Variants in COL4A6 observed in about 807,000 individuals in gnomAD.
COL4A6 encodes the protein collagen type IV alpha 6 chain, also known as collagen alpha-6(IV) chain.
A neutral mutation model predicts 126.7 loss-of-function variants in COL4A6; 59 were observed. The ratio of observed to expected loss-of-function variants is 0.47; its 90% CI spans 0.38 to 0.58. The LOEUF is 0.58. Among genes scored for constraint, COL4A6 ranks in the 20% least tolerant of loss-of-function variants. The pLI is 0.00. For synonymous variants in COL4A6, 547 were observed against 496.6 expected, an observed-to-expected ratio of 1.10 and a Z score of -1.35; for missense variants, 1,285 against 1,337.3, an observed-to-expected ratio of 0.96 and a Z score of 0.61.
chrX:108,220,748 C>T (rs2035995149), intron 4 of COL4A6, among the ~76,000 whole-genome samples: 1 of 112,513 alleles, frequency 8.9e-6, no homozygotes, highest in South Asian at 3.7e-4. Context: ...TTATGGTGTG[C>T]TTGCTATGGG....
At chrX:108,171,684 T>C (rs1188635500) in intron 32 of COL4A6, among the ~76,000 whole-genome samples, 1 of 112,057 alleles carries the variant, frequency 8.9e-6, no homozygotes, top group African/African-American at 3.3e-5. Flanking sequence ...CATATCTCCA[T>C]TGGGAAACAC....
intron 2 of COL4A6, among the ~76,000 whole-genome samples, chrX:108,374,254 A>T (rs751817290): frequency 6.2e-5 from 7 of 112,415 alleles, no homozygotes; most frequent in Non-Finnish European, 1.1e-4. Context: ...CAAAGGAACC[A>T]GGAAAACATG....
rs191467154 is a variant in COL4A6, at chrX:108,243,691, G to A, written c.145-22317C>T. ...TAAGGTGATTCTAATGTGCAGCTAA[G>A]GTTTGGGAACCTCTGCTCTAAATAG... On this transcript the variant is annotated intron_variant, in intron 3 of 44. Transcript: ENST00000334504. Among the ~76,000 whole-genome samples, 18 of 112,191 alleles carry A rather than the reference G, an allele frequency of 1.6e-4. No individual in the cohort carries two copies. In the East Asian group the frequency reaches 3.9e-3, roughly 24 times the overall value.
chrX:108,355,438 C>T (rs187742897), intron 2 of COL4A6, among the ~76,000 whole-genome samples: 172 of 112,730 alleles, frequency 1.5e-3, no homozygotes, highest in African/African-American at 5.3e-3. Flanking sequence ...TTTGTTTATT[C>T]ATTCAATGCA....
intron 44 of COL4A6, among the ~76,000 whole-genome samples, chrX:108,158,543 CTGGTCAGGG>C (rs1279063162): frequency 8.9e-6 from 1 of 112,294 alleles, no homozygotes; most frequent in East Asian, 2.8e-4. Flanking sequence ...TTCTTATTTC[CTGGTCAGGG>C]TGGTGGACAG....
chrX:108,392,392 T>A (rs2040857379), intron 2 of COL4A6, among the ~76,000 whole-genome samples: 1 of 105,686 alleles, frequency 9.5e-6, no homozygotes, highest in African/African-American at 3.5e-5. Context: ...CTAGAACAGA[T>A]AAAGAACTCT....
chrX:108,260,832 G>T (rs1311736585), intron 3 of COL4A6, among the ~76,000 whole-genome samples: 1 of 108,633 alleles, frequency 9.2e-6, no homozygotes, highest in African/African-American at 3.3e-5. Context: ...AACATAATGT[G>T]GCTAGAAGCA....
intron 2 of COL4A6, among the ~76,000 whole-genome samples, chrX:108,340,838 T>TGGGG (rs11347372): frequency 1.1e-4 from 7 of 63,098 alleles, no homozygotes; most frequent in Admixed American, 1.7e-4. Context: ...ACTAGTGGGG[T>TGGGG]GGGGGGGGGG....
intron 2 of COL4A6, among the ~76,000 whole-genome samples, chrX:108,349,340 C>T: frequency 8.9e-6 from 1 of 111,794 alleles, no homozygotes; most frequent in Non-Finnish European, 1.9e-5. Context: ...AAGGATTACT[C>T]TGTGATGTCT....
At chrX:108,247,945 A>G (rs780184150) in intron 3 of COL4A6, among the ~76,000 whole-genome samples, 10 of 111,603 alleles carry the variant, frequency 9.0e-5, no homozygotes, top group Non-Finnish European at 1.9e-4. Flanking sequence ...GAAATTAACT[A>G]TATGAAGAAA....
At chrX:108,222,569 A>C (rs759821468) in intron 3 of COL4A6, among the ~76,000 whole-genome samples, 1 of 111,869 alleles carries the variant, frequency 8.9e-6, no homozygotes, top group African/African-American at 3.2e-5. Flanking sequence ...GATCCTTTGG[A>C]GTATAATTTT....
chrX:108,168,449 C>A (rs979421549), intron 37 of COL4A6, among the ~76,000 whole-genome samples: 2 of 112,313 alleles, frequency 1.8e-5, no homozygotes, highest in Non-Finnish European at 3.8e-5. Context: ...CCCTCGGAAA[C>A]ATACACACTG....
At chrX:108,430,988 T>C (rs2045266442) in intron 2 of COL4A6, among the ~76,000 whole-genome samples, 1 of 111,652 alleles carries the variant, frequency 9.0e-6, no homozygotes. Flanking sequence ...AAAAGAGATG[T>C]CTTGGCTGGG....
chrX:108,298,410 G>A (rs2038387455), intron 3 of COL4A6, among the ~76,000 whole-genome samples: 1 of 112,359 alleles, frequency 8.9e-6, no homozygotes, highest in Non-Finnish European at 1.9e-5. Flanking sequence ...GGGCTGGCAG[G>A]GGGAATTTCT....
chrX:108,293,563 C>T (rs969767376), intron 3 of COL4A6, among the ~76,000 whole-genome samples: 1 of 110,715 alleles, frequency 9.0e-6, no homozygotes, highest in African/African-American at 3.3e-5. Flanking sequence ...TCTAAAATAG[C>T]CCATGGGTTA....
intron 2 of COL4A6, among the ~76,000 whole-genome samples, chrX:108,425,618 C>G (rs1213699852): frequency 1.8e-5 from 2 of 108,657 alleles, no homozygotes; most frequent in East Asian, 5.8e-4. Flanking sequence ...CCTGTAGTAC[C>G]AGCTACTCGG....
intron 5 of COL4A6, among the ~76,000 whole-genome samples, 164 bp from the exon 6 acceptor site, chrX:108,214,392 T>C (rs1486970974): frequency 8.9e-6 from 1 of 112,184 alleles, no homozygotes; most frequent in Non-Finnish European, 1.9e-5. Context: ...TACTCAAGCA[T>C]ATGTGTCTAA....
At position 108,287,899 on chromosome X, in the gene COL4A6, C is replaced by G. The variant is rs1229481121; in HGVS notation, c.144+22849G>C. The stretch of plus-strand genomic sequence containing the variant: ...CGGGAAACTCTGTCCAGGTAATAAG[C>G]TGGGGTCATCATAGGGCTCACCTTG... On this transcript the variant is annotated intron_variant, in intron 3 of 44. Coordinates refer to ENST00000334504, the MANE Select transcript of COL4A6 (RefSeq NM_033641.4). Among the ~76,000 whole-genome samples, 3 of 111,769 alleles carry G rather than the reference C, an allele frequency of 2.7e-5. 1 individual carries two copies. The highest frequency in any genetic ancestry group is 9.8e-5 in the African/African-American group (3 of 30,740).
intron 2 of COL4A6, among the ~76,000 whole-genome samples, chrX:108,335,310 A>T (rs1006935796): frequency 8.9e-6 from 1 of 111,986 alleles, no homozygotes; most frequent in African/African-American, 3.2e-5. Context: ...AAAAAGTCAC[A>T]AAGGTGGGTA....
Sources: gnomAD v4.1 joint callset for allele counts (sites outside exome capture counted in the v4.1 genomes callset) on GRCh38, gnomAD v4.1.1 for gene constraint, MANE v1.5 for transcripts, NCBI Gene and HGNC (gene_info 2026-07-23, HGNC 2026-07-21) for gene names.